CSNK1A1: variants seen among roughly 807,000 people sequenced by gnomAD.
CSNK1A1 encodes casein kinase 1 alpha 1.
Under a neutral mutation model 46.1 loss-of-function variants are expected in CSNK1A1, and 7 were observed. That is an observed-to-expected ratio of 0.15 (90% confidence interval 0.09 to 0.29). The LOEUF (loss-of-function observed/expected upper bound fraction) is 0.29. CSNK1A1 is among the 10% of genes least tolerant of loss of function. The pLI, the probability that CSNK1A1 is intolerant of heterozygous loss-of-function variation, is 1.00. For missense variants in CSNK1A1, 96 were observed against 417.1 expected (o/e 0.23, Z 6.71); for synonymous variants, 137 against 141.5 (o/e 0.97, Z 0.23).
chr5:149,516,715 C>T (rs1191960800), intron 4 of CSNK1A1, among the ~76,000 whole-genome samples: 1 of 152,158 alleles, frequency 6.6e-6, no homozygotes, highest in Non-Finnish European at 1.5e-5. Context: ...CCACCATCTA[C>T]TGTCTTCCCC....
intron 9 of CSNK1A1, chr5:149,503,465 A>G (rs1161981434): frequency 2.0e-6 from 2 of 985,364 alleles, no homozygotes; most frequent in African/African-American, 3.5e-5. Context: ...TGTATTTCTA[A>G]AAAGCAGTCA....
Position 149,510,114 on chromosome 5 carries a change from T to C in CSNK1A1, c.676-161A>G, listed in dbSNP as rs531310578. ...GTATAATACATCTAAAAAAAATTTT[T>C]CCCAAACTGTTAACTTCTGATGTAA... On this transcript the variant is annotated intron_variant, in intron 6 of 9. Coordinates refer to ENST00000377843, the MANE Select transcript of CSNK1A1 (RefSeq NM_001892.6). Among the ~76,000 whole-genome samples the C allele has an allele frequency of 3.5e-3, 536 of 152,364 alleles. 2 individuals carry two copies. Among genetic ancestry groups the C allele is most frequent in the African/African-American group, 0.012 (516 of 41,586 alleles).
At chr5:149,529,032 A>G (rs1761805397) in intron 2 of CSNK1A1, among the ~76,000 whole-genome samples, 1 of 152,212 alleles carries the variant, frequency 6.6e-6, no homozygotes, top group African/African-American at 2.4e-5. Flanking sequence ...TGATGTGCAT[A>G]TTGCAGGTAC....
intron 4 of CSNK1A1, among the ~76,000 whole-genome samples, chr5:149,519,755 A>G (rs1309874505): frequency 6.6e-6 from 1 of 152,224 alleles, no homozygotes; most frequent in African/African-American, 2.4e-5. Context: ...CTACTTTTGA[A>G]GCAGGCCCAA....
chr5:149,550,249 G>C lies in CSNK1A1; in HGVS notation c.124-68C>G. 1 of 1,566,386 alleles carries C rather than the reference G, an allele frequency of 6.4e-7. No individual in the cohort carries two copies. The highest frequency in any genetic ancestry group is 8.6e-7 in the Non-Finnish European group (1 of 1,156,456). On this transcript the variant is annotated intron_variant, in intron 1 of 9. Coordinates refer to ENST00000377843, the MANE Select transcript of CSNK1A1 (RefSeq NM_001892.6). This position sits in a 1 kb window ranked among gnomAD's most constrained non-coding sequence, Gnocchi z 4.3. ...ATTCAATGTCACTTAGGAAAGGAGG[G>C]AGACATTAGCAAAACTCCAAGTCGC...
At chr5:149,545,817 C>T (rs1762462663) in intron 2 of CSNK1A1, 4 of 459,210 alleles carry the variant, frequency 8.7e-6, no homozygotes, top group Admixed American at 3.1e-5. Context: ...CCTTAAGCCG[C>T]GGCTCTCCAA....
intron 9 of CSNK1A1, among the ~76,000 whole-genome samples, chr5:149,500,136 T>A (rs1760793870): frequency 8.4e-6 from 1 of 119,544 alleles, no homozygotes. Context: ...GCCCAGCTAA[T>A]TTTTTTTTTT....
At chr5:149,537,206 T>C (rs747552049) in intron 2 of CSNK1A1, among the ~76,000 whole-genome samples, 3 of 151,946 alleles carry the variant, frequency 2.0e-5, no homozygotes, top group Non-Finnish European at 4.4e-5. Flanking sequence ...TGAAACCCCA[T>C]CTCTACTAAA....
chr5:149,512,470 T>C (rs1761258839), intron 5 of CSNK1A1, among the ~76,000 whole-genome samples: 1 of 152,178 alleles, frequency 6.6e-6, no homozygotes, highest in Non-Finnish European at 1.5e-5. Context: ...TTGTTTTTTC[T>C]ACTTATTACT....
chr5:149,527,284 C>T (rs772773457), intron 2 of CSNK1A1, among the ~76,000 whole-genome samples: 7 of 152,058 alleles, frequency 4.6e-5, no homozygotes, highest in Admixed American at 2.6e-4. Flanking sequence ...CCTGCCACCA[C>T]GCCCAGCTAA....
intron 9 of CSNK1A1, chr5:149,498,058 TCCTGACCTCGTGATCCA>T (rs1760712557): frequency 4.4e-6 from 4 of 911,552 alleles, no homozygotes; most frequent in Non-Finnish European, 5.2e-6. Flanking sequence ...GGTCTCAAAC[TCCTGACCTCGTGATCCA>T]CCCGCCATGG....
At chr5:149,531,705 AAAC>A (rs1421052492) in intron 2 of CSNK1A1, among the ~76,000 whole-genome samples, 1 of 85,952 alleles carries the variant, frequency 1.2e-5, no homozygotes, top group African/African-American at 3.6e-5. Flanking sequence ...AAAAAAAAAA[AAAC>A]AAAAAACAAA....
chr5:149,534,151 A>G (rs1188492431), intron 2 of CSNK1A1, among the ~76,000 whole-genome samples: 1 of 152,204 alleles, frequency 6.6e-6, no homozygotes, highest in African/African-American at 2.4e-5. Flanking sequence ...CCATAAATAC[A>G]AAATACAGGA....
intron 2 of CSNK1A1, among the ~76,000 whole-genome samples, chr5:149,530,334 G>A (rs1306778461): frequency 6.6e-6 from 1 of 152,140 alleles, no homozygotes; most frequent in Non-Finnish European, 1.5e-5. Flanking sequence ...TCCAAGTGAA[G>A]ACATCAGGAA....
chr5:149,505,722 C>A, intron 8 of CSNK1A1, 127 bp from the exon 9 acceptor site: 1 of 734,918 alleles, frequency 1.4e-6, no homozygotes, highest in South Asian at 2.3e-5. Flanking sequence ...GTGGCAGCTT[C>A]TAAAATATTT....
chr5:149,519,109 ATAAGT>A (rs1260104771), intron 4 of CSNK1A1, among the ~76,000 whole-genome samples: 1 of 152,226 alleles, frequency 6.6e-6, no homozygotes, highest in Non-Finnish European at 1.5e-5. Flanking sequence ...GAATGACAAG[ATAAGT>A]TATGTGTATA....
chr5:149,505,191 C>A (rs1427638210), intron 9 of CSNK1A1: 1 of 1,114,872 alleles, frequency 9.0e-7, no homozygotes, highest in Non-Finnish European at 1.1e-6. Flanking sequence ...AAAAAATGAC[C>A]CAAAATCCCA....
At chr5:149,534,526 G>A (rs1254345644) in intron 2 of CSNK1A1, among the ~76,000 whole-genome samples, 1 of 145,962 alleles carries the variant, frequency 6.9e-6, no homozygotes, top group East Asian at 2.0e-4. Flanking sequence ...TCCTAAAAAT[G>A]TTAGCACCTG....
At chr5:149,519,179 C>T (rs1761489166) in intron 4 of CSNK1A1, among the ~76,000 whole-genome samples, 1 of 152,018 alleles carries the variant, frequency 6.6e-6, no homozygotes, top group Admixed American at 6.6e-5. Flanking sequence ...TTCCTAAAAC[C>T]TAATCAGACC....
Sources: allele counts gnomAD v4.1 joint callset (sites outside exome capture counted in the v4.1 genomes callset), GRCh38; gene constraint gnomAD v4.1.1; non-coding constraint Gnocchi (gnomAD v3.1); transcripts MANE v1.5; gene names NCBI Gene and HGNC (gene_info 2026-07-23, HGNC 2026-07-21).